CDCA7L: variants seen among roughly 807,000 people sequenced by gnomAD.
CDCA7L encodes cell division cycle associated 7 like.
A neutral mutation model predicts 57.4 loss-of-function variants in CDCA7L; 44 were observed. The observed-to-expected ratio is 0.77, with a 90% CI of 0.60 to 0.98. CDCA7L has a LOEUF of 0.98. Among genes scored for constraint, CDCA7L ranks in the 50% least tolerant of loss-of-function variants. The pLI, the probability that CDCA7L is intolerant of heterozygous loss-of-function variation, is 0.00. For synonymous variants in CDCA7L, 236 were observed against 202.8 expected (o/e 1.16, Z -1.39); for missense variants, 644 against 580.6 (o/e 1.11, Z -1.12).
chr7:21,945,870 C>T lies in CDCA7L; in HGVS notation c.-66G>A, dbSNP rs559998129. On this transcript the variant is annotated 5_prime_UTR_variant, in exon 1 of 10. Coordinates refer to ENST00000406877, the MANE Select transcript of CDCA7L (RefSeq NM_018719.5). Reference sequence around the variant, plus strand: ...ACGGGAGCCCGGACTCACCACGGCCCGGCGCACCAAGAACGCCCCGCGCCC... The same window carrying T: ...ACGGGAGCCCGGACTCACCACGGCCTGGCGCACCAAGAACGCCCCGCGCCC... 4 of 1,532,262 alleles carry T rather than the reference C, an allele frequency of 2.6e-6. No homozygotes were observed. Among genetic ancestry groups the T allele is most frequent in the South Asian group, 1.2e-5 (1 of 83,132 alleles). 94.9% of individuals were successfully genotyped at this position (1,532,262 alleles called of 1,614,324 possible).
At position 21,945,709 on chromosome 7, in the gene CDCA7L, A is replaced by G. The variant is rs1786503522; in HGVS notation, c.24+72T>C. 7.6e-6 allele frequency: 12 copies of G among 1,582,132 alleles called. No homozygotes were observed. In the South Asian group the frequency reaches 1.2e-4, roughly 16 times the overall value. On this transcript the variant is annotated intron_variant, in intron 1 of 9. Coordinates refer to ENST00000406877, the MANE Select transcript of CDCA7L (RefSeq NM_018719.5). ...AGGGCCACGTTTCCAGCCCAAGGCC[A>G]GCAGGACCGGGTGGCAAAGGGAAGT...
intron 1 of CDCA7L, among the ~76,000 whole-genome samples, chr7:21,941,300 C>T (rs758597043): frequency 7.2e-5 from 11 of 152,198 alleles, no homozygotes; most frequent in Middle Eastern, 3.4e-3. Context: ...AAGATCTCTA[C>T]GCTACTAGGA....
rs1019053420 is a variant in CDCA7L at position 21,934,222 on chromosome 7, G to C, written c.24+11559C>G. On this transcript the variant is annotated intron_variant, in intron 1 of 9. Coordinates refer to ENST00000406877, the MANE Select transcript of CDCA7L (RefSeq NM_018719.5). ...TTTCTAAAGGATTAAAAATACTTAC[G>C]AATCTGTTCATGGATACACAACACA... Among the ~76,000 whole-genome samples the C allele has an allele frequency of 3.9e-5, 6 of 152,104 alleles. No homozygotes were observed. In the East Asian group the frequency reaches 1.2e-3, roughly 29 times the overall value.
intron 2 of CDCA7L, among the ~76,000 whole-genome samples, chr7:21,912,285 C>T (rs1465092286): frequency 1.3e-5 from 2 of 152,030 alleles, no homozygotes; most frequent in Admixed American, 6.5e-5. Flanking sequence ...CAGAGTGAGA[C>T]CCTCTCTCAA....
At chr7:21,912,278 A>G (rs914636179) in intron 2 of CDCA7L, among the ~76,000 whole-genome samples, 1 of 152,162 alleles carries the variant, frequency 6.6e-6, no homozygotes, top group African/African-American at 2.4e-5. Flanking sequence ...CGGGTGACAG[A>G]GTGAGACCCT....
intron 1 of CDCA7L, among the ~76,000 whole-genome samples, chr7:21,931,356 A>C (rs1006205281): frequency 1.3e-5 from 2 of 152,248 alleles, no homozygotes; most frequent in African/African-American, 2.4e-5. Flanking sequence ...ATCCCTGATG[A>C]ACGAAGATTT....
intron 1 of CDCA7L, among the ~76,000 whole-genome samples, chr7:21,932,248 T>C (rs922598020): frequency 2.0e-5 from 3 of 152,194 alleles, no homozygotes; most frequent in African/African-American, 7.2e-5. Flanking sequence ...ATAGATTCAA[T>C]GCTATCCCCA....
intron 1 of CDCA7L, among the ~76,000 whole-genome samples, chr7:21,923,076 T>C (rs4566940): frequency 0.34 from 52,355 of 152,118 alleles, 9,868 homozygotes; most frequent in East Asian, 0.63. Context: ...GGAAAGAGTT[T>C]TGGAATTTAA....
intron 1 of CDCA7L, chr7:21,944,592 A>G (rs1786454627): frequency 1.3e-5 from 2 of 152,156 alleles, no homozygotes; most frequent in Non-Finnish European, 2.9e-5. Flanking sequence ...CATTTTAAAA[A>G]TATTCTCAGA....
At chr7:21,915,420 A>G (rs1242632288) in intron 2 of CDCA7L, among the ~76,000 whole-genome samples, 1 of 149,584 alleles carries the variant, frequency 6.7e-6, no homozygotes, top group Non-Finnish European at 1.5e-5. Flanking sequence ...GACAACAGAC[A>G]AGATTCACTA....
intron 4 of CDCA7L, among the ~76,000 whole-genome samples, chr7:21,907,893 C>T (rs566270821): frequency 6.6e-6 from 1 of 152,296 alleles, no homozygotes; most frequent in South Asian, 2.1e-4. Context: ...ATTATGGCAC[C>T]ATGTAGGGGC....
intron 1 of CDCA7L, among the ~76,000 whole-genome samples, chr7:21,920,070 G>A (rs1411173521): frequency 1.3e-5 from 2 of 152,196 alleles, no homozygotes; most frequent in South Asian, 2.1e-4. Context: ...GTGCATGGAG[G>A]TGAATGCAAT....
At chr7:21,943,641 C>A (rs12669549) in intron 1 of CDCA7L, among the ~76,000 whole-genome samples, 18,562 of 151,982 alleles carry the variant, frequency 0.12, 1,408 homozygotes, top group East Asian at 0.33. Context: ...AATCTGTGCA[C>A]ATTTAAATTA....
Position 21,901,209 on chromosome 7 carries a change from T to C in CDCA7L, c.*1113A>G. 6.2e-7 allele frequency: 1 copy of C among 1,613,860 alleles called. No homozygotes were observed. Among genetic ancestry groups the C allele is most frequent in the Non-Finnish European group, 8.5e-7 (1 of 1,179,788 alleles). ...TCAGGCTGAAGAGCGAAGAGAAGAC[T>C]GCAAAATGGGTTCTGGCTGGAGTGG... On this transcript the variant is annotated 3_prime_UTR_variant, in exon 10 of 10. Transcript: ENST00000406877.
intron 1 of CDCA7L, among the ~76,000 whole-genome samples, chr7:21,935,939 C>G (rs1919906): frequency 1.3e-5 from 2 of 151,846 alleles, no homozygotes; most frequent in Non-Finnish European, 2.9e-5. Context: ...ACCCAGGAGG[C>G]GGAGGTTGCA....
At chr7:21,902,764 T>G (rs1784970078) in intron 9 of CDCA7L, 2 of 537,940 alleles carry the variant, frequency 3.7e-6, no homozygotes, top group Admixed American at 6.9e-5. Context: ...AACGTGGAGT[T>G]GAGTTGAAAA....
Position 21,906,279 on chromosome 7 carries a change from C to A in CDCA7L, c.921+10G>T, listed in dbSNP as rs2128057690. Reference sequence around the variant, plus strand: ...GACAAAAACTAATTCATGTATTAGTCAGAAAATACCCCAATTGTCTTCCTT... The same window carrying A: ...GACAAAAACTAATTCATGTATTAGTAAGAAAATACCCCAATTGTCTTCCTT... On this transcript the variant is annotated intron_variant, in intron 6 of 9. Transcript: ENST00000406877. 1.3e-6 allele frequency: 2 copies of A among 1,580,456 alleles called. No homozygotes were observed. The highest frequency in any genetic ancestry group is 2.2e-5 in the East Asian group (1 of 44,476).
intron 1 of CDCA7L, among the ~76,000 whole-genome samples, chr7:21,921,023 A>C (rs1360943268): frequency 6.6e-6 from 1 of 152,174 alleles, no homozygotes; most frequent in Admixed American, 6.5e-5. Flanking sequence ...TATGGATTTA[A>C]TGGAAATACA....
intron 1 of CDCA7L, among the ~76,000 whole-genome samples, chr7:21,933,422 T>C (rs1786075368): frequency 6.6e-6 from 1 of 152,176 alleles, no homozygotes; most frequent in Admixed American, 6.5e-5. Context: ...AATGATAGAC[T>C]GGATAAAGAA....
Sources: allele counts gnomAD v4.1 joint callset (sites outside exome capture counted in the v4.1 genomes callset), GRCh38; gene constraint gnomAD v4.1.1; transcripts MANE v1.5; gene names NCBI Gene and HGNC (gene_info 2026-07-23, HGNC 2026-07-21).